The following ST18 variants were observed in gnomAD, a reference collection of about 807,000 sequenced individuals.
ST18 encodes the protein suppression of tumorigenicity 18 protein.
ST18 carries 50 observed loss-of-function variants against 110.0 expected under a neutral mutation model. The observed-to-expected ratio is 0.45, with a 90% CI of 0.36 to 0.58. ST18 has a LOEUF of 0.58. Ranked by LOEUF, ST18 falls within the 20% of genes least tolerant of loss-of-function variation. The probability of loss-of-function intolerance (pLI) is 0.00; values close to 1 mark genes in which losing one functional copy is unlikely to be tolerated. For synonymous variants in ST18, 461 were observed against 452.4 expected, an observed-to-expected ratio of 1.02 and a Z score of -0.24; for missense variants, 1,306 against 1,280.1, an observed-to-expected ratio of 1.02 and a Z score of -0.31.
At chr8:52,364,358 G>A (rs1826970228) in intron 2 of ST18, among the ~76,000 whole-genome samples, 1 of 152,174 alleles carries the variant, frequency 6.6e-6, no homozygotes, top group Admixed American at 6.5e-5. Context: ...GTTAATAGGA[G>A]AGTGGGAGCC....
chr8:52,395,853 C>G (rs1305205599), intron 2 of ST18, among the ~76,000 whole-genome samples: 1 of 152,162 alleles, frequency 6.6e-6, no homozygotes, highest in Non-Finnish European at 1.5e-5. Flanking sequence ...CATAATTTAT[C>G]TAAACCTAGA....
chr8:52,292,418 T>G (rs909546942), intron 2 of ST18, among the ~76,000 whole-genome samples: 1 of 152,196 alleles, frequency 6.6e-6, no homozygotes, highest in East Asian at 1.9e-4. Context: ...ACAGAAATGC[T>G]TGATTAAATA....
chr8:52,165,664 T>A (rs1290037697), intron 11 of ST18, among the ~76,000 whole-genome samples: 2 of 152,164 alleles, frequency 1.3e-5, no homozygotes, highest in Non-Finnish European at 2.9e-5. Context: ...ATCCACCCGC[T>A]ACTCCCCACA....
Position 52,356,592 on chromosome 8 carries a change from T to C in ST18, c.-465+52736A>G, listed in dbSNP as rs914640428. Among the ~76,000 whole-genome samples the C allele has an allele frequency of 8.5e-5, 13 of 152,248 alleles. No individual in the cohort carries two copies. The East Asian group carries it at 2.5e-3, about 29-fold the overall frequency. On this transcript the variant is annotated intron_variant, in intron 2 of 25. Transcript: ENST00000689386. ...TAAGGCATGCAAAGAAACAAAAAAGTATGGCCTATTCACAGAAAAAGAGAA... is the reference window on the plus strand; with the variant it reads ...TAAGGCATGCAAAGAAACAAAAAAGCATGGCCTATTCACAGAAAAAGAGAA...
At chr8:52,188,422 G>A (rs1465586077) in intron 8 of ST18, among the ~76,000 whole-genome samples, 1 of 152,162 alleles carries the variant, frequency 6.6e-6, no homozygotes, top group Non-Finnish European at 1.5e-5. Context: ...ACCGTGCAAG[G>A]CACATCTGAA....
chr8:52,188,810 A>G (rs12545108), intron 8 of ST18, among the ~76,000 whole-genome samples: 33,775 of 152,088 alleles, frequency 0.22, 7,050 homozygotes, highest in African/African-American at 0.55. Context: ...AGATTAGATG[A>G]TGGATGTAAA....
At chr8:52,218,554 ATTT>A (rs745791743) in intron 5 of ST18, among the ~76,000 whole-genome samples, 7 of 100,896 alleles carry the variant, frequency 6.9e-5, no homozygotes, top group African/African-American at 1.2e-4. Context: ...TGCCTGGCTA[ATTT>A]TTTTTTTTTT....
chr8:52,186,443 C>T (rs1045717278), intron 8 of ST18, among the ~76,000 whole-genome samples: 1 of 152,194 alleles, frequency 6.6e-6, no homozygotes, highest in African/African-American at 2.4e-5. Flanking sequence ...TCTCAGGCAA[C>T]TGGAACGCTC....
At chr8:52,186,069 T>C (rs1327851440) in intron 8 of ST18, among the ~76,000 whole-genome samples, 1 of 152,224 alleles carries the variant, frequency 6.6e-6, no homozygotes, top group Non-Finnish European at 1.5e-5. Context: ...GCCCCGCTTC[T>C]TGATATGCAT....
chr8:52,364,695 A>G (rs1253809593), intron 2 of ST18, among the ~76,000 whole-genome samples: 1 of 152,192 alleles, frequency 6.6e-6, no homozygotes, highest in African/African-American at 2.4e-5. Flanking sequence ...TTCTTGCTCA[A>G]GATTTTGGCA....
In ST18 at chr8:52,251,400, G is replaced by T. The variant is rs76129095; in HGVS notation, c.-464-21323C>A. Among the ~76,000 whole-genome samples, 260 of 152,048 alleles carry T rather than the reference G, an allele frequency of 1.7e-3. 3 individuals are homozygous for T. In the East Asian group the frequency reaches 0.045, roughly 26 times the overall value. On this transcript the variant is annotated intron_variant, in intron 2 of 25. Coordinates refer to ENST00000689386, the MANE Select transcript of ST18 (RefSeq NM_001352837.2). Reference sequence around the variant, plus strand: ...ATATATGAATATATTATAAGCATAGGTATACACACTGCCTCCCATATACAC... The same window carrying T: ...ATATATGAATATATTATAAGCATAGTTATACACACTGCCTCCCATATACAC...
At chr8:52,187,748 C>G (rs1002549695) in intron 8 of ST18, among the ~76,000 whole-genome samples, 4 of 152,146 alleles carry the variant, frequency 2.6e-5, no homozygotes. Flanking sequence ...GAGAGTTTGT[C>G]TTGCAGATGT....
intron 14 of ST18, among the ~76,000 whole-genome samples, chr8:52,160,256 C>T (rs1563766773): frequency 6.6e-6 from 1 of 152,180 alleles, no homozygotes; most frequent in Admixed American, 6.5e-5. Context: ...GTGTGTACAA[C>T]TTTTCCCTTA....
Position 52,172,243 on chromosome 8 carries a change from G to A in ST18, c.618C>T (p.Gly206=), listed in dbSNP as rs753750816. 3.7e-5 allele frequency: 60 copies of A among 1,614,000 alleles called. No individual in the cohort carries two copies. Among genetic ancestry groups the A allele is most frequent in the Non-Finnish European group, 3.6e-5 (43 of 1,180,028 alleles). Residue 206 remains glycine, a synonymous_variant, in exon 10 of 26, where the codon GGC becomes GGT. Transcript: ENST00000689386. ...GTTTGGTTTCTTCTGAGAAGTTGGAGCCACTGTCCCAGCCATTTTCTGCAC... is the reference window on the plus strand; with the variant it reads ...GTTTGGTTTCTTCTGAGAAGTTGGAACCACTGTCCCAGCCATTTTCTGCAC... ...SESAENGWDS[G]SNFSEETKPP... is the part of the protein sequence containing the mutation.
At chr8:52,214,080 T>A (rs939346203) in intron 7 of ST18, 123 bp downstream of exon 7, 1 of 1,066,858 alleles carries the variant, frequency 9.4e-7, no homozygotes, top group African/African-American at 1.6e-5. Context: ...CTGGCTTGAT[T>A]TGAAAAAAGA....
intron 2 of ST18, among the ~76,000 whole-genome samples, chr8:52,233,590 T>C (rs980583275): frequency 6.6e-6 from 1 of 152,080 alleles, no homozygotes; most frequent in Non-Finnish European, 1.5e-5. Context: ...TCAGACTAAG[T>C]AAGCGTCTCT....
chr8:52,125,603 T>C (rs1387514753), intron 23 of ST18, among the ~76,000 whole-genome samples: 1 of 152,066 alleles, frequency 6.6e-6, no homozygotes, highest in Non-Finnish European at 1.5e-5. Context: ...ACAATCCTCC[T>C]ATCTCAGCTT....
At chr8:52,288,636 G>T (rs2095506030) in intron 2 of ST18, among the ~76,000 whole-genome samples, 1 of 151,158 alleles carries the variant, frequency 6.6e-6, no homozygotes, top group Admixed American at 6.6e-5. Context: ...GGAGGTTGCA[G>T]TGAGCCGAGA....
intron 2 of ST18, among the ~76,000 whole-genome samples, chr8:52,245,590 T>A (rs960843851): frequency 2.0e-5 from 3 of 152,164 alleles, no homozygotes; most frequent in African/African-American, 7.2e-5. Context: ...AAAATTTTCA[T>A]TCTAATTTTT....
Sources: allele counts gnomAD v4.1 joint callset (sites outside exome capture counted in the v4.1 genomes callset), GRCh38; gene constraint gnomAD v4.1.1; transcripts MANE v1.5; gene names NCBI Gene and HGNC (gene_info 2026-07-23, HGNC 2026-07-21).